SCARB1: variants seen among roughly 807,000 people sequenced by gnomAD.
SCARB1 encodes scavenger receptor class B member 1.
A neutral mutation model predicts 57.2 loss-of-function variants in SCARB1; 30 were observed. The ratio of observed to expected loss-of-function variants is 0.52; its 90% CI spans 0.39 to 0.71. SCARB1 has a LOEUF of 0.71. Among genes scored for constraint, SCARB1 ranks in the 30% least tolerant of loss-of-function variants. The pLI is 0.00. For synonymous variants in SCARB1, 249 were observed against 268.3 expected, an observed-to-expected ratio of 0.93 and a Z score of 0.70; for missense variants, 543 against 671.2, an observed-to-expected ratio of 0.81 and a Z score of 2.11.
rs1316539054 is a variant in SCARB1, at chr12:124,809,899, C to T, written c.842+275G>A. On this transcript the variant is annotated intron_variant, in intron 6 of 12. Transcript: ENST00000261693. ...CCCACCTCTCGCCTCCATTTTATGG[C>T]CCCCTGTGACTTGACATGTCCTGCC... 7.9e-5 allele frequency among the ~76,000 whole-genome samples: 12 copies of T among 151,316 alleles called. 1 individual carries two copies. Among genetic ancestry groups the T allele is most frequent in the South Asian group, 4.1e-4 (2 of 4,828 alleles).
Position 124,848,377 on chromosome 12 carries a change from C to T in SCARB1, c.126+15218G>A, listed in dbSNP as rs368201257. On this transcript the variant is annotated intron_variant, in intron 1 of 12. Transcript: ENST00000261693. ...GATTACAAGCGTGAGCCACCACGCC[C>T]GGCCAATTCAAAATTTTTTAATGAA... 3.9e-5 allele frequency among the ~76,000 whole-genome samples: 6 copies of T among 152,324 alleles called. No individual in the cohort carries two copies. The East Asian group carries it at 9.7e-4, about 25-fold the overall frequency.
At chr12:124,808,024 G>A (rs1484459683) in intron 6 of SCARB1, 97 bp from the exon 7 acceptor site, 7 of 1,247,474 alleles carry the variant, frequency 5.6e-6, no homozygotes, top group African/African-American at 1.5e-5. Context: ...TTCTCCCCAC[G>A]GGCGCTACCA....
At chr12:124,825,290 G>A (rs954054572) in intron 1 of SCARB1, among the ~76,000 whole-genome samples, 3 of 147,082 alleles carry the variant, frequency 2.0e-5, no homozygotes, top group Non-Finnish European at 3.0e-5. Flanking sequence ...CCCACAATCT[G>A]ATCACATCTG....
chr12:124,795,408 A>G lies in SCARB1; in HGVS notation c.1129-140T>C, dbSNP rs1471290137. On this transcript the variant is annotated intron_variant, in intron 8 of 12. Coordinates refer to ENST00000261693, the MANE Select transcript of SCARB1 (RefSeq NM_005505.5). The stretch of plus-strand genomic sequence containing the variant: ...GGAGCTTGCTTGTATCTTACCTAAA[A>G]CAAGCCACAGGCTGGGGGGGGTCAA... 4 of 665,336 alleles carry G rather than the reference A, an allele frequency of 6.0e-6. No homozygotes were observed. The African/African-American group carries it at 7.5e-5, about 12-fold the overall frequency. 41.2% of individuals were successfully genotyped at this position (665,336 alleles called of 1,614,324 possible). A position where few individuals can be genotyped will look rare whatever the true frequency, so the allele number is the denominator to read the frequency against.
chr12:124,785,825 A>C (rs568118268), intron 11 of SCARB1: 10 of 491,596 alleles, frequency 2.0e-5, no homozygotes, highest in African/African-American at 1.9e-4. Context: ...CTATTAGAAA[A>C]TTTAAACTGA....
chr12:124,848,238 C>CA (rs1952242340), intron 1 of SCARB1, among the ~76,000 whole-genome samples: 1 of 152,194 alleles, frequency 6.6e-6, no homozygotes, highest in Non-Finnish European at 1.5e-5. Flanking sequence ...TGTGCGCCAC[C>CA]ATGCCTGGCT....
At chr12:124,844,328 A>G (rs1472350990) in intron 1 of SCARB1, among the ~76,000 whole-genome samples, 2 of 152,182 alleles carry the variant, frequency 1.3e-5, no homozygotes, top group African/African-American at 4.8e-5. Context: ...GACAGGCCAC[A>G]TGAAGGGGGC....
At chr12:124,837,543 GAAA>G (rs879625042) in intron 1 of SCARB1, among the ~76,000 whole-genome samples, 1 of 48,320 alleles carries the variant, frequency 2.1e-5, no homozygotes, top group Non-Finnish European at 6.2e-5. Flanking sequence ...AGAAAGAAAA[GAAA>G]AGAAAAGAAA....
chr12:124,784,363 C>T (rs1443509405), intron 11 of SCARB1: 1 of 152,256 alleles, frequency 6.6e-6, no homozygotes, highest in Admixed American at 6.5e-5. Context: ...GCTGGTTGGA[C>T]CCAATGGTCA....
intron 2 of SCARB1, among the ~76,000 whole-genome samples, chr12:124,816,745 G>A (rs1467509898): frequency 1.3e-5 from 2 of 152,090 alleles, no homozygotes; most frequent in South Asian, 2.1e-4. Flanking sequence ...TCCGCCAGCC[G>A]TCTCAGAGCT....
chr12:124,781,887 GTATTTATT>G (rs963667039), intron 12 of SCARB1, among the ~76,000 whole-genome samples: 1 of 151,906 alleles, frequency 6.6e-6, no homozygotes, highest in African/African-American at 2.4e-5. Context: ...CATCCCAGAT[GTATTTATT>G]TATTTATTTA....
chr12:124,794,521 G>A (rs1280193780), intron 9 of SCARB1, among the ~76,000 whole-genome samples: 2 of 150,790 alleles, frequency 1.3e-5, no homozygotes, highest in African/African-American at 2.4e-5. Flanking sequence ...CTGCCTCAGC[G>A]TTTCCATTTT....
intron 1 of SCARB1, among the ~76,000 whole-genome samples, chr12:124,834,907 A>AC (rs982157592): frequency 2.2e-4 from 34 of 151,966 alleles, no homozygotes; most frequent in African/African-American, 6.3e-4. Flanking sequence ...GACCCTGTCC[A>AC]CCCCCCCAAA....
chr12:124,804,099 G>A (rs1238505444), intron 7 of SCARB1, among the ~76,000 whole-genome samples: 6 of 152,134 alleles, frequency 3.9e-5, no homozygotes, highest in Non-Finnish European at 7.4e-5. Flanking sequence ...GCTTGGAGTG[G>A]GGCCGGCCCA....
intron 6 of SCARB1, among the ~76,000 whole-genome samples, chr12:124,809,926 C>T (rs1175570176): frequency 6.6e-6 from 1 of 152,232 alleles, no homozygotes; most frequent in Non-Finnish European, 1.5e-5. Flanking sequence ...TGTCCTGCCC[C>T]CTCCTCCCAG....
rs974637792 is a variant in SCARB1 at position 124,822,443 on chromosome 12, C to T, written c.127-4736G>A. On this transcript the variant is annotated intron_variant, in intron 1 of 12. Coordinates refer to ENST00000261693, the MANE Select transcript of SCARB1 (RefSeq NM_005505.5). The surrounding 1 kb of genome is among the most constrained non-coding windows in gnomAD (Gnocchi z 5.0). ...GAATCATACTACACAACACCATTTC[C>T]GCGACATCGGGGAAAGGGAATACTC... Among the ~76,000 whole-genome samples the T allele has an allele frequency of 6.6e-6, 1 of 152,134 alleles. No individual in the cohort carries two copies. Among genetic ancestry groups the T allele is most frequent in the African/African-American group, 2.4e-5 (1 of 41,404 alleles).
rs1872720385 is a variant in SCARB1, at chr12:124,778,452, T to C, written c.*135A>G. On this transcript the variant is annotated 3_prime_UTR_variant, in exon 13 of 13. Coordinates refer to ENST00000261693, the MANE Select transcript of SCARB1 (RefSeq NM_005505.5). ...TGTGTGCAGGTGTGCAACAGGCACA[T>C]GGCAGCTGGGAGGCTCAGGCTGTGG... 1.1e-5 allele frequency: 14 copies of C among 1,325,556 alleles called. No homozygotes were observed. The highest frequency in any genetic ancestry group is 1.3e-5 in the Non-Finnish European group (13 of 1,035,652). The allele number at this position is 1,325,556 out of a possible 1,614,324, so 82.1% of individuals were successfully genotyped here.
intron 10 of SCARB1, among the ~76,000 whole-genome samples, chr12:124,786,874 A>T (rs1042418810): frequency 6.6e-6 from 1 of 152,188 alleles, no homozygotes; most frequent in Non-Finnish European, 1.5e-5. Flanking sequence ...CTCCCCATCA[A>T]CCCACTTCAG....
At chr12:124,854,693 G>A (rs951404823) in intron 1 of SCARB1, among the ~76,000 whole-genome samples, 1 of 152,160 alleles carries the variant, frequency 6.6e-6, no homozygotes, top group Admixed American at 6.5e-5. Context: ...GGGAAGTGGA[G>A]AGAACAGAGT....
Sources: gnomAD v4.1 joint callset for allele counts (sites outside exome capture counted in the v4.1 genomes callset) on GRCh38, gnomAD v4.1.1 for gene constraint, Gnocchi (gnomAD v3.1) non-coding constraint, MANE v1.5 for transcripts, NCBI Gene and HGNC (gene_info 2026-07-23, HGNC 2026-07-21) for gene names.